The following ZNF385D variants were observed in gnomAD, a reference collection of about 807,000 sequenced individuals.
ZNF385D encodes the protein zinc finger protein 659.
ZNF385D carries 15 observed loss-of-function variants against 35.8 expected under a neutral mutation model. The ratio of observed to expected loss-of-function variants is 0.42; its 90% CI spans 0.28 to 0.64. The LOEUF is 0.64. ZNF385D is among the 30% of genes least tolerant of loss of function. The pLI, the probability that ZNF385D is intolerant of heterozygous loss-of-function variation, is 0.23. For missense variants in ZNF385D, 474 were observed against 494.6 expected (o/e 0.96, Z 0.39); for synonymous variants, 212 against 186.8 (o/e 1.13, Z -1.10).
chr3:21,676,007 C>T (rs1215512902), intron 1 of ZNF385D, among the ~76,000 whole-genome samples: 1 of 152,076 alleles, frequency 6.6e-6, no homozygotes, highest in Non-Finnish European at 1.5e-5. Context: ...GTGATTTTTT[C>T]CACATTTTAA....
intron 2 of ZNF385D, among the ~76,000 whole-genome samples, chr3:22,256,466 C>G (rs1011470333): frequency 6.6e-6 from 1 of 151,504 alleles, no homozygotes; most frequent in Non-Finnish European, 1.5e-5. Context: ...TAGTTCCTGC[C>G]TACAGAGTCA....
intron 3 of ZNF385D, among the ~76,000 whole-genome samples, chr3:21,838,656 T>C (rs573648552): frequency 2.2e-4 from 33 of 152,206 alleles, no homozygotes; most frequent in Admixed American, 8.5e-4. Context: ...CAAACTGGCC[T>C]TATCCATCTA....
At chr3:21,980,450 T>G (rs758363980) in intron 3 of ZNF385D, among the ~76,000 whole-genome samples, 1 of 152,150 alleles carries the variant, frequency 6.6e-6, no homozygotes. Flanking sequence ...TGAGTAATAG[T>G]AGCATTGAAG....
intron 2 of ZNF385D, among the ~76,000 whole-genome samples, chr3:21,594,235 G>T (rs540306238): frequency 6.6e-6 from 1 of 152,124 alleles, no homozygotes; most frequent in Non-Finnish European, 1.5e-5. Flanking sequence ...CACTTATTTT[G>T]CAGTATCCAT....
chr3:21,813,403 C>T (rs921916452), intron 3 of ZNF385D, among the ~76,000 whole-genome samples: 3 of 152,078 alleles, frequency 2.0e-5, no homozygotes, highest in Admixed American at 6.6e-5. Flanking sequence ...CAAACTTCTC[C>T]GAGCTAAAGG....
At chr3:22,352,386 C>G (rs138770468) in intron 2 of ZNF385D, among the ~76,000 whole-genome samples, 73 of 152,270 alleles carry the variant, frequency 4.8e-4, no homozygotes, top group Admixed American at 7.8e-4. Flanking sequence ...AGCAGAGCCT[C>G]CTTTCACAAT....
chr3:22,343,279 C>T (rs1469767417), intron 2 of ZNF385D, among the ~76,000 whole-genome samples: 1 of 152,180 alleles, frequency 6.6e-6, no homozygotes, highest in Non-Finnish European at 1.5e-5. Context: ...AACAAAACAA[C>T]CCAGCAATGA....
intron 1 of ZNF385D, among the ~76,000 whole-genome samples, chr3:21,712,464 T>C (rs1232784858): frequency 6.6e-6 from 1 of 152,218 alleles, no homozygotes; most frequent in African/African-American, 2.4e-5. Context: ...ATTTGAACAA[T>C]GTTTCTACAA....
chr3:22,154,157 G>C (rs1025680503), intron 3 of ZNF385D, among the ~76,000 whole-genome samples: 1 of 152,116 alleles, frequency 6.6e-6, no homozygotes, highest in Non-Finnish European at 1.5e-5. Flanking sequence ...ACTGGGGTGT[G>C]GTTGTTTGGG....
At chr3:21,671,212 T>C (rs2066566804) in intron 1 of ZNF385D, among the ~76,000 whole-genome samples, 1 of 152,062 alleles carries the variant, frequency 6.6e-6, no homozygotes, top group African/African-American at 2.4e-5. Flanking sequence ...TGTCTGTTTC[T>C]GGCTTCTGGT....
intron 4 of ZNF385D, among the ~76,000 whole-genome samples, chr3:21,449,441 T>C (rs1702337838): frequency 6.6e-6 from 1 of 152,214 alleles, no homozygotes; most frequent in Non-Finnish European, 1.5e-5. Flanking sequence ...ATTTCACCAT[T>C]AATTTTGATA....
At position 21,891,732 on chromosome 3, in the gene ZNF385D, TCTGAGATAC is replaced by T. The variant is rs564752376; in HGVS notation, c.326-226713_326-226705del. Among the ~76,000 whole-genome samples the T allele has an allele frequency of 3.9e-5, 6 of 152,302 alleles. No individual in the cohort carries two copies. In the East Asian group the frequency reaches 9.7e-4, roughly 25 times the overall value. On this transcript the variant is annotated intron_variant, in intron 3 of 5. Coordinates refer to the ZNF385D transcript ENST00000494108. ...GAGAGGCCTTGACGTTTTCTAACAA[TCTGAGATAC>T]TAATTAATGAGGTGGTAGTCTATTG...
chr3:21,838,592 G>C (rs1039751728), intron 3 of ZNF385D, among the ~76,000 whole-genome samples: 2 of 152,072 alleles, frequency 1.3e-5, no homozygotes, highest in African/African-American at 4.8e-5. Context: ...AATTGTCAAA[G>C]TGATGGAAAA....
chr3:22,356,942 A>T (rs141572571), intron 2 of ZNF385D, among the ~76,000 whole-genome samples: 1 of 152,106 alleles, frequency 6.6e-6, no homozygotes, highest in South Asian at 2.1e-4. Flanking sequence ...AACATTTACT[A>T]TCCAAAAAAT....
chr3:22,103,983 T>G (rs1427994476), intron 3 of ZNF385D, among the ~76,000 whole-genome samples: 1 of 152,024 alleles, frequency 6.6e-6, no homozygotes, highest in Non-Finnish European at 1.5e-5. Flanking sequence ...CATGAGAAAT[T>G]TATTCACTTA....
intron 3 of ZNF385D, among the ~76,000 whole-genome samples, chr3:21,799,663 G>A (rs1407438864): frequency 6.6e-6 from 1 of 151,968 alleles, no homozygotes; most frequent in Non-Finnish European, 1.5e-5. Context: ...TTCATATTCT[G>A]AGTATTAGAC....
intron 3 of ZNF385D, among the ~76,000 whole-genome samples, chr3:21,765,746 G>GAGAGAGAGAAAGAGAGAGAGAC (rs533902781): frequency 1.2e-5 from 1 of 82,450 alleles, no homozygotes; most frequent in Non-Finnish European, 2.9e-5. Context: ...GAGAGAGACA[G>GAGAGAGAGAAAGAGAGAGAGAC]AGAGAGAGAG....
chr3:21,439,297 CAAAA>C (rs143786633), intron 4 of ZNF385D, among the ~76,000 whole-genome samples: 100 of 89,296 alleles, frequency 1.1e-3, no homozygotes, highest in East Asian at 2.4e-3. Flanking sequence ...GATTTTGAGG[CAAAA>C]AAAAAAAAAA....
intron 2 of ZNF385D, among the ~76,000 whole-genome samples, chr3:21,581,993 A>G (rs879433458): frequency 2.6e-5 from 4 of 152,150 alleles, no homozygotes; most frequent in African/African-American, 7.2e-5. Flanking sequence ...CAAAATACCA[A>G]TGTTCTGTCT....
Sources: allele counts gnomAD v4.1 joint callset (sites outside exome capture counted in the v4.1 genomes callset), GRCh38; gene constraint gnomAD v4.1.1; transcripts MANE v1.5; gene names NCBI Gene and HGNC (gene_info 2026-07-23, HGNC 2026-07-21).